NACC1: variants seen among roughly 807,000 people sequenced by gnomAD.
NACC1 encodes nucleus accumbens associated 1, also known as nucleus accumbens-associated protein 1.
A neutral mutation model predicts 41.7 loss-of-function variants in NACC1; 6 were observed. The observed-to-expected ratio is 0.14, with a 90% CI of 0.08 to 0.28. NACC1 has a LOEUF of 0.28. Ranked by LOEUF, NACC1 falls within the 10% of genes least tolerant of loss-of-function variation. NACC1 has a pLI of 1.00. For synonymous variants in NACC1, 338 were observed against 330.6 expected, an observed-to-expected ratio of 1.02 and a Z score of -0.24; for missense variants, 434 against 763.7, an observed-to-expected ratio of 0.57 and a Z score of 5.09.
intron 1 of NACC1, among the ~76,000 whole-genome samples, chr19:13,127,933 C>T (rs1042552371): frequency 1.3e-5 from 2 of 152,060 alleles, no homozygotes; most frequent in East Asian, 1.9e-4. Context: ...CTAGTAGGTC[C>T]GAGAGCAAGC....
chr19:13,134,102 C>G (rs972441758), intron 1 of NACC1, among the ~76,000 whole-genome samples: 2 of 152,160 alleles, frequency 1.3e-5, no homozygotes, highest in African/African-American at 4.8e-5. Flanking sequence ...GTATCCCAGG[C>G]TGGAGTATAG....
chr19:13,127,371 C>CTTTTTTTTTTT lies in NACC1; in HGVS notation c.-8-7810_-8-7800dup, dbSNP rs147514422. Among the ~76,000 whole-genome samples, 59 of 28,514 alleles carry CTTTTTTTTTTT rather than the reference C, an allele frequency of 2.1e-3. 12 individuals carry two copies. Among genetic ancestry groups the CTTTTTTTTTTT allele is most frequent in the African/African-American group, 4.5e-3 (35 of 7,782 alleles). 18.7% of individuals were successfully genotyped at this position (28,514 alleles called of 152,430 possible). A position where few individuals can be genotyped will look rare whatever the true frequency, so the allele number is the denominator to read the frequency against. On this transcript the variant is annotated intron_variant, in intron 1 of 5. Coordinates refer to ENST00000292431, the MANE Select transcript of NACC1 (RefSeq NM_052876.4). ...AAAAAAAAGCATACATATACATATA[C>CTTTTTTTTTTT]TTTTTTTTTTTTTTTTTTTTTTTTT...
At chr19:13,134,781 T>G (rs967358604) in intron 1 of NACC1, among the ~76,000 whole-genome samples, 3 of 152,248 alleles carry the variant, frequency 2.0e-5, no homozygotes, top group African/African-American at 7.2e-5. Context: ...TTTCTGGCAT[T>G]TCCATGCCAG....
Position 13,141,009 on chromosome 19 carries a change from C to A in NACC1, c.*2603C>A, listed in dbSNP as rs2019784256. ...GTGCCAACGCCCTCCCCACCCTGGGCCGAGCCCCCACCCCTCCCTGGGCCC... is the reference window on the plus strand; with the variant it reads ...GTGCCAACGCCCTCCCCACCCTGGGACGAGCCCCCACCCCTCCCTGGGCCC... On this transcript the variant is annotated 3_prime_UTR_variant, in exon 6 of 6. Coordinates refer to ENST00000292431, the MANE Select transcript of NACC1 (RefSeq NM_052876.4). 6.6e-6 allele frequency: 1 copy of A among 152,502 alleles called. No homozygotes were observed. Among genetic ancestry groups the A allele is most frequent in the African/African-American group, 2.4e-5 (1 of 41,416 alleles). The allele number at this position is 152,502 out of a possible 1,614,324, so 9.4% of individuals were successfully genotyped here. A position where few individuals can be genotyped will look rare whatever the true frequency, so the allele number is the denominator to read the frequency against.
intron 1 of NACC1, among the ~76,000 whole-genome samples, chr19:13,123,836 G>C (rs1421014693): frequency 2.0e-5 from 3 of 152,178 alleles, no homozygotes; most frequent in Admixed American, 1.3e-4. Context: ...GTATAAACCT[G>C]TGCCTGCCAT....
At chr19:13,122,175 C>G (rs893538930) in intron 1 of NACC1, among the ~76,000 whole-genome samples, 5 of 152,188 alleles carry the variant, frequency 3.3e-5, no homozygotes, top group Admixed American at 6.5e-5. Context: ...GTCCCTCCAG[C>G]CTTCTCATGT....
chr19:13,123,229 C>T (rs1400208939), intron 1 of NACC1, among the ~76,000 whole-genome samples: 3 of 152,270 alleles, frequency 2.0e-5, no homozygotes, highest in South Asian at 2.1e-4. Flanking sequence ...CCTTGGTTGC[C>T]GCCACTGCTG....
rs149046924 is a variant in NACC1, at chr19:13,119,270, G to A, written c.-9+816G>A. Among the ~76,000 whole-genome samples, 51 of 152,056 alleles carry A rather than the reference G, an allele frequency of 3.4e-4. 1 individual carries two copies. In the East Asian group the frequency reaches 9.3e-3, roughly 28 times the overall value. On this transcript the variant is annotated intron_variant, in intron 1 of 5. Coordinates refer to ENST00000292431, the MANE Select transcript of NACC1 (RefSeq NM_052876.4). ...CCCAACTCAAGTGTTAAGGGGTTCC[G>A]TCTTTCTCACACCTCATCCCTGAAG...
chr19:13,136,914 A>T lies in NACC1; in HGVS notation c.1121-357A>T, dbSNP rs1427623731. Reference sequence around the variant, plus strand: ...CCTTGGGTCAGAGTGCCTAGGTGTGAGCCTCCACTCCCTGTTGGTCCTGCT... The same window carrying T: ...CCTTGGGTCAGAGTGCCTAGGTGTGTGCCTCCACTCCCTGTTGGTCCTGCT... On this transcript the variant is annotated intron_variant, in intron 3 of 5. Coordinates refer to ENST00000292431, the MANE Select transcript of NACC1 (RefSeq NM_052876.4). The surrounding 1 kb of genome is among the most constrained non-coding windows in gnomAD (Gnocchi z 5.5). Among the ~76,000 whole-genome samples, 2 of 152,140 alleles carry T rather than the reference A, an allele frequency of 1.3e-5. No individual in the cohort carries two copies. Among genetic ancestry groups the T allele is most frequent in the African/African-American group, 4.8e-5 (2 of 41,422 alleles).
chr19:13,119,881 C>T (rs1240743507), intron 1 of NACC1, among the ~76,000 whole-genome samples: 1 of 152,208 alleles, frequency 6.6e-6, no homozygotes, highest in African/African-American at 2.4e-5. Flanking sequence ...CTTAGGCCTT[C>T]TCTGGGGTCC....
At chr19:13,124,737 C>T (rs2019541540) in intron 1 of NACC1, among the ~76,000 whole-genome samples, 1 of 152,082 alleles carries the variant, frequency 6.6e-6, no homozygotes, top group Admixed American at 6.6e-5. Context: ...TGCTGGTCTC[C>T]CTTAACTGGC....
At chr19:13,135,066 T>C (rs1166653976) in intron 1 of NACC1, 134 bp from the exon 2 acceptor site, 2 of 1,409,976 alleles carry the variant, frequency 1.4e-6, no homozygotes, top group African/African-American at 2.9e-5. Flanking sequence ...TTTAGCACCA[T>C]GGTAGATTCC....
rs2019748376 is a variant in NACC1, at chr19:13,139,008, T to G, written c.*602T>G. On this transcript the variant is annotated 3_prime_UTR_variant, in exon 6 of 6. Coordinates refer to ENST00000292431, the MANE Select transcript of NACC1 (RefSeq NM_052876.4). ...ACAACCGACCTCAGGTGGCCGGCAGTGGCGTGCCTGGTGCCCTTTCTCCTC... is the reference window on the plus strand; with the variant it reads ...ACAACCGACCTCAGGTGGCCGGCAGGGGCGTGCCTGGTGCCCTTTCTCCTC... 1 of 153,388 alleles carries G rather than the reference T, an allele frequency of 6.5e-6. No homozygotes were observed. The highest frequency in any genetic ancestry group is 6.5e-5 in the Admixed American group (1 of 15,492). 9.5% of individuals were successfully genotyped at this position (153,388 alleles called of 1,614,324 possible). A position where few individuals can be genotyped will look rare whatever the true frequency, so the allele number is the denominator to read the frequency against.
Position 13,138,054 on chromosome 19 carries a change from A to G in NACC1, c.1325-93A>G. ...TGGCCTCACTCGTTTCCCCTTTGAG[A>G]GGGAGTCGCAGATGCTGTAGGGGAG... On this transcript the variant is annotated intron_variant, in intron 5 of 5. Coordinates refer to ENST00000292431, the MANE Select transcript of NACC1 (RefSeq NM_052876.4). This position sits in a 1 kb window ranked among gnomAD's most constrained non-coding sequence, Gnocchi z 5.7. 6.5e-7 allele frequency: 1 copy of G among 1,542,260 alleles called. No homozygotes were observed.
At chr19:13,127,694 A>G (rs777329905) in intron 1 of NACC1, among the ~76,000 whole-genome samples, 50 of 96,894 alleles carry the variant, frequency 5.2e-4, no homozygotes, top group African/African-American at 1.7e-3. Context: ...AAAAAAAAAG[A>G]AAAAAAAAAA....
Position 13,139,848 on chromosome 19 carries a change from C to T in NACC1, c.*1442C>T, listed in dbSNP as rs1332864785. On this transcript the variant is annotated 3_prime_UTR_variant, in exon 6 of 6. Transcript: ENST00000292431. ...TTTTTTTTCTTTTTTAACTCCCCAT[C>T]CCCCTATGCAGGGTGTCATTTCACC... is the stretch of plus-strand genomic sequence containing the variant. The T allele has an allele frequency of 2.0e-5, 3 of 152,010 alleles. No individual in the cohort carries two copies. Among genetic ancestry groups the T allele is most frequent in the Admixed American group, 2.0e-4 (3 of 15,264 alleles). The allele number at this position is 152,010 out of a possible 1,614,324, so 9.4% of individuals were successfully genotyped here.
In NACC1 at chr19:13,135,900, C is replaced by T; in HGVS notation, c.693C>T (p.Ala231=). The T allele has an allele frequency of 6.4e-7, 1 of 1,561,300 alleles. No homozygotes were observed. The highest frequency in any genetic ancestry group is 8.7e-7 in the Non-Finnish European group (1 of 1,155,370). The part of the protein sequence containing the change: ...PPQQAPVVAA[A]QPAVAAGAGQ... ...AACAGGCTCCGGTGGTGGCAGCAGC[C>T]CAGCCCGCCGTGGCTGCGGGAGCAG... The change falls in exon 2 of 6, where the codon GCC becomes GCT. Residue 231 remains alanine (A), a synonymous_variant. Transcript: ENST00000292431.
chr19:13,132,931 G>A (rs1259890408), intron 1 of NACC1, among the ~76,000 whole-genome samples: 1 of 152,176 alleles, frequency 6.6e-6, no homozygotes, highest in South Asian at 2.1e-4. Flanking sequence ...CTCAACCTTA[G>A]GTTGTACCTC....
Position 13,135,725 on chromosome 19 carries a change from C to T in NACC1, c.518C>T (p.Ser173Leu), listed in dbSNP as rs541005316. The change falls in exon 2 of 6, where the codon TCG becomes TTG. Residue 173 changes from serine (S) to leucine (L), a missense_variant. By Grantham distance (145) the Ser-to-Leu change is moderately radical. Around this residue, in one of 4 missense-constraint regions of NACC1, gnomAD observed 234 missense variants for 308.3 expected, o/e 0.76. Coordinates refer to ENST00000292431, the MANE Select transcript of NACC1 (RefSeq NM_052876.4). ...CGGGTGAAGACGGAGCAGCAGGAGT[C>T]GGACTCCGTGCAGTGCATGCCCGTG... ...VSRVKTEQQE[S>L]DSVQCMPVAK... The T allele has an allele frequency of 3.6e-5, 56 of 1,555,968 alleles. No homozygotes were observed. Among genetic ancestry groups the T allele is most frequent in the South Asian group, 1.9e-4 (16 of 84,856 alleles).
Sources: gnomAD v4.1 joint callset for allele counts (sites outside exome capture counted in the v4.1 genomes callset) on GRCh38, gnomAD v4.1.1 for gene constraint, gnomAD v4.1.1 regional missense constraint, Gnocchi (gnomAD v3.1) non-coding constraint, MANE v1.5 for transcripts, NCBI Gene and HGNC (gene_info 2026-07-23, HGNC 2026-07-21) for gene names.